Variants in ZMIZ1 observed in about 807,000 individuals in gnomAD.
The protein encoded by ZMIZ1 is zinc finger MIZ-type containing 1.
Under a neutral mutation model 113.9 loss-of-function variants are expected in ZMIZ1, and 17 were observed. The observed-to-expected ratio is 0.15, with a 90% CI of 0.10 to 0.22. ZMIZ1 has a LOEUF of 0.22. Ranked by LOEUF, ZMIZ1 falls within the 10% of genes least tolerant of loss-of-function variation. The pLI is 1.00. For missense variants in ZMIZ1, 1,059 were observed against 1,477.8 expected, an observed-to-expected ratio of 0.72 and a Z score of 4.65; for synonymous variants, 607 against 603.1, an observed-to-expected ratio of 1.01 and a Z score of -0.09.
At chr10:79,229,685 T>C (rs954999144) in intron 7 of ZMIZ1, among the ~76,000 whole-genome samples, 1 of 152,202 alleles carries the variant, frequency 6.6e-6, no homozygotes, top group African/African-American at 2.4e-5. Flanking sequence ...GTTTAGACTC[T>C]GTGATCCGTA....
chr10:79,144,147 A>C (rs987837357), intron 3 of ZMIZ1, among the ~76,000 whole-genome samples: 1 of 152,048 alleles, frequency 6.6e-6, no homozygotes, highest in African/African-American at 2.4e-5. Context: ...ACTTTTCTTT[A>C]AGCCTGTCCC....
chr10:79,316,327 T>C lies in ZMIZ1; in HGVS notation c.*3578T>C, dbSNP rs1046596675. 2.0e-5 allele frequency: 3 copies of C among 152,786 alleles called. No individual in the cohort carries two copies. Among genetic ancestry groups the C allele is most frequent in the African/African-American group, 7.2e-5 (3 of 41,476 alleles). The allele number at this position is 152,786 out of a possible 1,614,324, so 9.5% of individuals were successfully genotyped here. A position where few individuals can be genotyped will look rare whatever the true frequency, so the allele number is the denominator to read the frequency against. ...TGCAAAGCTGTATGTAGTTAGATGA[T>C]GTGACAACCTCTAATATTTATCTAA... On this transcript the variant is annotated 3_prime_UTR_variant, in exon 25 of 25. Transcript: ENST00000334512.
chr10:79,103,039 T>C (rs994622395), intron 1 of ZMIZ1, among the ~76,000 whole-genome samples: 13 of 152,028 alleles, frequency 8.6e-5, no homozygotes, highest in African/African-American at 2.7e-4. Context: ...ACAGTAGTAA[T>C]GTCGAGCGAT....
intron 7 of ZMIZ1, among the ~76,000 whole-genome samples, chr10:79,275,327 G>A (rs887750894): frequency 3.9e-5 from 6 of 152,204 alleles, no homozygotes; most frequent in Admixed American, 3.3e-4. Context: ...CCACGGAGGG[G>A]GGCAGGACAC....
chr10:79,216,451 C>T (rs1848733492), intron 7 of ZMIZ1, 177 bp downstream of exon 7: 1 of 523,042 alleles, frequency 1.9e-6, no homozygotes, highest in Non-Finnish European at 3.3e-6. Flanking sequence ...TTGGGGCTGT[C>T]CTCGTGCCTC....
At chr10:79,294,730 T>G (rs987798867) in intron 12 of ZMIZ1, 1 of 152,278 alleles carries the variant, frequency 6.6e-6, no homozygotes, top group African/African-American at 2.4e-5. Context: ...TCTGCCTGCC[T>G]CCCTCCCAGC....
chr10:79,098,333 G>A (rs1468216457), intron 1 of ZMIZ1, among the ~76,000 whole-genome samples: 1 of 152,114 alleles, frequency 6.6e-6, no homozygotes, highest in Non-Finnish European at 1.5e-5. Flanking sequence ...AGTGTAGTGT[G>A]GTGGTTAGCA....
chr10:79,233,230 G>A (rs370988297), intron 7 of ZMIZ1, among the ~76,000 whole-genome samples: 3 of 152,234 alleles, frequency 2.0e-5, no homozygotes, highest in East Asian at 1.9e-4. Flanking sequence ...ATCCTGCATC[G>A]CAGCTGGGGA....
intron 1 of ZMIZ1, among the ~76,000 whole-genome samples, chr10:79,087,437 G>A (rs1296809101): frequency 6.6e-6 from 1 of 152,134 alleles, no homozygotes; most frequent in Non-Finnish European, 1.5e-5. Context: ...CCCAGAGCAT[G>A]GCTTATGGGA....
Position 79,069,277 on chromosome 10 carries a change from T to A in ZMIZ1, c.-337+7T>A, listed in dbSNP as rs1842163250. 6.7e-6 allele frequency: 1 copy of A among 150,104 alleles called. No homozygotes were observed. Among genetic ancestry groups the A allele is most frequent in the Admixed American group, 6.6e-5 (1 of 15,124 alleles). The allele number at this position is 150,104 out of a possible 1,614,324, so 9.3% of individuals were successfully genotyped here. A position where few individuals can be genotyped will look rare whatever the true frequency, so the allele number is the denominator to read the frequency against. On this transcript the variant is annotated splice_region_variant and intron_variant, in intron 1 of 24. Transcript: ENST00000334512. This position sits in a 1 kb window ranked among gnomAD's most constrained non-coding sequence, Gnocchi z 4.6. ...GCGGCGCTCGCAGCGCCCGGTAAGTTTGGGGCCAGAGCCAGGCGCCCGCTG... is the reference window on the plus strand; with the variant it reads ...GCGGCGCTCGCAGCGCCCGGTAAGTATGGGGCCAGAGCCAGGCGCCCGCTG...
intron 7 of ZMIZ1, among the ~76,000 whole-genome samples, chr10:79,268,256 C>T (rs1851723701): frequency 6.6e-6 from 1 of 152,242 alleles, no homozygotes; most frequent in Admixed American, 6.5e-5. Flanking sequence ...CCTCCTGTTC[C>T]CCGTGACTGG....
intron 1 of ZMIZ1, among the ~76,000 whole-genome samples, chr10:79,092,954 C>T (rs1012396260): frequency 4.6e-5 from 7 of 151,854 alleles, no homozygotes; most frequent in Non-Finnish European, 1.0e-4. Context: ...CCCCCAAAGC[C>T]GTTTGAATAC....
At chr10:79,155,193 T>G (rs1845861348) in intron 3 of ZMIZ1, among the ~76,000 whole-genome samples, 1 of 152,152 alleles carries the variant, frequency 6.6e-6, no homozygotes, top group South Asian at 2.1e-4. Flanking sequence ...CAGAAATTGT[T>G]CATTTGGTGA....
intron 11 of ZMIZ1, chr10:79,292,777 G>A (rs1032005832): frequency 3.9e-5 from 18 of 465,354 alleles, no homozygotes; most frequent in South Asian, 1.7e-4. Context: ...GTGGGTCTGC[G>A]CAGGCCCCAG....
chr10:79,071,910 G>C (rs1269804192), intron 1 of ZMIZ1, among the ~76,000 whole-genome samples: 1 of 122,216 alleles, frequency 8.2e-6, no homozygotes, highest in African/African-American at 3.1e-5. Flanking sequence ...TTGAAACGCT[G>C]TTTTCACATG....
At chr10:79,163,275 A>G (rs1846189471) in intron 4 of ZMIZ1, among the ~76,000 whole-genome samples, 1 of 152,214 alleles carries the variant, frequency 6.6e-6, no homozygotes, top group Non-Finnish European at 1.5e-5. Flanking sequence ...GCCTCAGTCA[A>G]GCTCCGACAT....
At chr10:79,312,215 G>A (rs571999596) in intron 24 of ZMIZ1, among the ~76,000 whole-genome samples, 35 of 152,352 alleles carry the variant, frequency 2.3e-4, no homozygotes, top group African/African-American at 8.2e-4. Flanking sequence ...GGATGTTGGG[G>A]GGTTGGGGGC....
chr10:79,312,762 C>G lies in ZMIZ1; in HGVS notation c.*13C>G. ...TGAGAACAACTGAGGGCCACCCGGT[C>G]GGGGCCATCCCTCCACACTCTGCAT... On this transcript the variant is annotated 3_prime_UTR_variant, in exon 25 of 25. Transcript: ENST00000334512. The G allele has an allele frequency of 6.2e-7, 1 of 1,611,258 alleles. No homozygotes were observed. Among genetic ancestry groups the G allele is most frequent in the Non-Finnish European group, 8.5e-7 (1 of 1,177,338 alleles).
At chr10:79,149,448 C>T (rs1276387642) in intron 3 of ZMIZ1, among the ~76,000 whole-genome samples, 1 of 152,204 alleles carries the variant, frequency 6.6e-6, no homozygotes, top group African/African-American at 2.4e-5. Flanking sequence ...CACCATACCC[C>T]CAACCTGTGG....
Sources: allele counts gnomAD v4.1 joint callset (sites outside exome capture counted in the v4.1 genomes callset), GRCh38; gene constraint gnomAD v4.1.1; non-coding constraint Gnocchi (gnomAD v3.1); transcripts MANE v1.5; gene names NCBI Gene and HGNC (gene_info 2026-07-23, HGNC 2026-07-21).